The following CTNNA2 variants were observed in gnomAD, a reference collection of about 807,000 sequenced individuals.
CTNNA2 encodes the protein catenin alpha-2.
CTNNA2 carries 42 observed loss-of-function variants against 101.0 expected under a neutral mutation model. That is an observed-to-expected ratio of 0.42 (90% confidence interval 0.32 to 0.54). The LOEUF is 0.54. Among genes scored for constraint, CTNNA2 ranks in the 20% least tolerant of loss-of-function variants. CTNNA2 has a pLI of 0.14. For synonymous variants in CTNNA2, 450 were observed against 456.4 expected (o/e 0.99, Z 0.18); for missense variants, 871 against 1,223.1 (o/e 0.71, Z 4.29).
chr2:80,548,527 T>C (rs1692291992), intron 11 of CTNNA2, among the ~76,000 whole-genome samples: 1 of 152,132 alleles, frequency 6.6e-6, no homozygotes, highest in African/African-American at 2.4e-5. Flanking sequence ...GTGCATCTCA[T>C]TATTACCAGC....
chr2:80,405,752 T>A (rs922217383), intron 8 of CTNNA2, among the ~76,000 whole-genome samples: 2 of 152,178 alleles, frequency 1.3e-5, no homozygotes, highest in African/African-American at 4.8e-5. Flanking sequence ...AATGGTTGAA[T>A]GGATTGTGCC....
intron 18 of CTNNA2, among the ~76,000 whole-genome samples, chr2:80,621,907 G>T (rs959141840): frequency 6.6e-6 from 1 of 151,836 alleles, no homozygotes. Flanking sequence ...GGATTGCACT[G>T]GGGAGTCTTA....
chr2:80,616,382 T>C (rs1050973052), intron 17 of CTNNA2: 3 of 151,844 alleles, frequency 2.0e-5, no homozygotes, highest in Middle Eastern at 3.4e-3. Flanking sequence ...TCTTCAATTA[T>C]AACATTTTGA....
chr2:79,251,279 A>G (rs1674767786), intron 2 of CTNNA2, among the ~76,000 whole-genome samples: 1 of 152,152 alleles, frequency 6.6e-6, no homozygotes, highest in African/African-American at 2.4e-5. Flanking sequence ...CATGATTCAA[A>G]AAACCCTGCT....
intron 2 of CTNNA2, among the ~76,000 whole-genome samples, chr2:79,670,071 C>T (rs1398386959): frequency 6.6e-6 from 1 of 152,198 alleles, no homozygotes; most frequent in Non-Finnish European, 1.5e-5. Flanking sequence ...GGGGATACTT[C>T]CTGGGGCCCC....
intron 13 of CTNNA2, among the ~76,000 whole-genome samples, chr2:80,577,219 G>A (rs1183048961): frequency 6.6e-6 from 1 of 152,054 alleles, no homozygotes; most frequent in East Asian, 1.9e-4. Flanking sequence ...TATTCCTCTG[G>A]TAGGAGACAG....
chr2:80,508,409 C>A (rs1688439437), intron 9 of CTNNA2, among the ~76,000 whole-genome samples: 1 of 152,118 alleles, frequency 6.6e-6, no homozygotes, highest in South Asian at 2.1e-4. Flanking sequence ...AGCTTGAACC[C>A]AGGAGGTAGA....
chr2:79,902,081 G>A (rs1685104568), intron 6 of CTNNA2, among the ~76,000 whole-genome samples: 1 of 152,152 alleles, frequency 6.6e-6, no homozygotes, highest in Non-Finnish European at 1.5e-5. Flanking sequence ...TATTCCTGGT[G>A]ATTATTTGCT....
At chr2:80,153,229 C>G (rs1162531158) in intron 7 of CTNNA2, among the ~76,000 whole-genome samples, 1 of 152,186 alleles carries the variant, frequency 6.6e-6, no homozygotes, top group Non-Finnish European at 1.5e-5. Flanking sequence ...CATTGTTTCC[C>G]TCTATTAGTG....
intron 9 of CTNNA2, among the ~76,000 whole-genome samples, chr2:80,459,609 C>G (rs1684260745): frequency 6.6e-6 from 1 of 152,118 alleles, no homozygotes; most frequent in Non-Finnish European, 1.5e-5. Context: ...AGCCTCCCCT[C>G]ATTGCCTTGA....
intron 7 of CTNNA2, among the ~76,000 whole-genome samples, chr2:80,297,366 G>A (rs150591233): frequency 6.6e-6 from 1 of 152,162 alleles, no homozygotes; most frequent in Admixed American, 6.5e-5. Context: ...CCTGACTTCT[G>A]TAAGCCTCAG....
At chr2:80,355,458 T>A (rs978261793) in intron 7 of CTNNA2, among the ~76,000 whole-genome samples, 1 of 152,170 alleles carries the variant, frequency 6.6e-6, no homozygotes, top group Non-Finnish European at 1.5e-5. Flanking sequence ...ATTCTAAGGA[T>A]GATAGGGATG....
At chr2:79,321,101 T>G (rs1303636954) in intron 3 of CTNNA2, among the ~76,000 whole-genome samples, 7 of 152,212 alleles carry the variant, frequency 4.6e-5, no homozygotes, top group Admixed American at 1.3e-4. Context: ...TACTATTATA[T>G]TTTCCAGAAA....
intron 1 of CTNNA2, among the ~76,000 whole-genome samples, chr2:79,515,567 A>G (rs1459825383): frequency 3.9e-5 from 6 of 152,160 alleles, no homozygotes; most frequent in Non-Finnish European, 8.8e-5. Flanking sequence ...CCTCCTTTGT[A>G]AACATTAGTC....
At chr2:80,459,226 T>G (rs1684226728) in intron 9 of CTNNA2, among the ~76,000 whole-genome samples, 2 of 152,124 alleles carry the variant, frequency 1.3e-5, no homozygotes, top group African/African-American at 4.8e-5. Flanking sequence ...GTATTCCTAC[T>G]CAGTGATCCA....
chr2:80,198,702 G>A lies in CTNNA2; in HGVS notation c.1057-194509G>A, dbSNP rs567327067. 2.4e-4 allele frequency among the ~76,000 whole-genome samples: 36 copies of A among 152,246 alleles called. No homozygotes were observed. The South Asian group carries it at 6.6e-3, about 28-fold the overall frequency. ...GAAATATGAAACACCATTCATTGCC[G>A]AATTTACTAATTTTATGACCCCTAT... On this transcript the variant is annotated intron_variant, in intron 7 of 18. Coordinates refer to ENST00000402739, the MANE Select transcript of CTNNA2 (RefSeq NM_001282597.3).
At chr2:80,449,870 T>C (rs1315011977) in intron 9 of CTNNA2, among the ~76,000 whole-genome samples, 2 of 152,172 alleles carry the variant, frequency 1.3e-5, no homozygotes, top group African/African-American at 4.8e-5. Context: ...TAAATTATGC[T>C]TTTTAAAGTA....
At chr2:79,221,727 G>C (rs1305841613) in intron 2 of CTNNA2, among the ~76,000 whole-genome samples, 1 of 151,938 alleles carries the variant, frequency 6.6e-6, no homozygotes, top group Non-Finnish European at 1.5e-5. Context: ...TCTAAGACTT[G>C]GTATTAGAGA....
intron 6 of CTNNA2, among the ~76,000 whole-genome samples, chr2:79,886,099 C>T (rs893991130): frequency 3.3e-5 from 5 of 152,156 alleles, no homozygotes; most frequent in African/African-American, 7.2e-5. Context: ...AATGCTGCTG[C>T]ATACGCTTAC....
Sources: allele counts gnomAD v4.1 joint callset (sites outside exome capture counted in the v4.1 genomes callset), GRCh38; gene constraint gnomAD v4.1.1; transcripts MANE v1.5; gene names NCBI Gene and HGNC (gene_info 2026-07-23, HGNC 2026-07-21).